The following RPS6KC1 variants were observed in gnomAD, a reference collection of about 807,000 sequenced individuals.
RPS6KC1 encodes inactive ribosomal protein S6 kinase delta-1.
Under a neutral mutation model 103.8 loss-of-function variants are expected in RPS6KC1, and 54 were observed. The ratio of observed to expected loss-of-function variants is 0.52; its 90% CI spans 0.42 to 0.65. The LOEUF (loss-of-function observed/expected upper bound fraction) is 0.65. Among genes scored for constraint, RPS6KC1 ranks in the 30% least tolerant of loss-of-function variants. The pLI is 0.00. For missense variants in RPS6KC1, 1,151 were observed against 1,253.8 expected, an observed-to-expected ratio of 0.92 and a Z score of 1.24; for synonymous variants, 439 against 438.7, an observed-to-expected ratio of 1.00 and a Z score of -0.01.
chr1:213,405,916 G>A, the RPS6KC1 span, among the ~76,000 whole-genome samples: 1 of 152,220 alleles, frequency 6.6e-6, no homozygotes, highest in Non-Finnish European at 1.5e-5. Context: ...GGCCATGGCG[G>A]TGAAGCCTCC....
the RPS6KC1 span, among the ~76,000 whole-genome samples, chr1:213,516,653 G>T: frequency 0.052 from 7,891 of 152,148 alleles, 643 homozygotes; most frequent in African/African-American, 0.17. Context: ...GGAGGATTTT[G>T]GCATCGATGT....
the RPS6KC1 span, among the ~76,000 whole-genome samples, chr1:213,403,554 T>A: frequency 6.6e-6 from 1 of 152,160 alleles, no homozygotes; most frequent in Non-Finnish European, 1.5e-5. Flanking sequence ...TTAGACTGAT[T>A]TGAGTGTGCC....
chr1:213,132,206 T>C, intron 6 of RPS6KC1, among the ~76,000 whole-genome samples: 1 of 152,306 alleles, frequency 6.6e-6, no homozygotes, highest in Admixed American at 6.5e-5. Flanking sequence ...CATTTAACCA[T>C]GTATCTCCTA....
At chr1:213,152,640 T>C (rs1271555008) in intron 6 of RPS6KC1, among the ~76,000 whole-genome samples, 4 of 120,024 alleles carry the variant, frequency 3.3e-5, no homozygotes, top group African/African-American at 1.3e-4. Flanking sequence ...TCTCAGACGA[T>C]GGGCGGCCGG....
chr1:213,212,874 CTT>C (rs2093552428), intron 8 of RPS6KC1, among the ~76,000 whole-genome samples: 1 of 152,050 alleles, frequency 6.6e-6, no homozygotes, highest in Non-Finnish European at 1.5e-5. Context: ...ATCTGTATAT[CTT>C]GTTTGGTGAG....
intron 8 of RPS6KC1, among the ~76,000 whole-genome samples, chr1:213,219,877 G>T (rs1001855129): frequency 3.5e-5 from 5 of 142,878 alleles, no homozygotes; most frequent in African/African-American, 1.0e-4. Context: ...GGAGGGGGGA[G>T]GTATAGCATT....
intron 3 of RPS6KC1, among the ~76,000 whole-genome samples, chr1:213,081,029 G>C (rs1376270034): frequency 6.6e-6 from 1 of 152,202 alleles, no homozygotes; most frequent in Non-Finnish European, 1.5e-5. Context: ...TCAGGGAATT[G>C]AAATCATGCC....
chr1:213,326,777 T>C, the RPS6KC1 span, among the ~76,000 whole-genome samples: 2 of 152,206 alleles, frequency 1.3e-5, no homozygotes, highest in Non-Finnish European at 2.9e-5. Context: ...ACTGATTGTG[T>C]AGATACGCAT....
At chr1:213,599,576 T>C in the RPS6KC1 span, among the ~76,000 whole-genome samples, 3 of 152,250 alleles carry the variant, frequency 2.0e-5, no homozygotes, top group Non-Finnish European at 4.4e-5. Flanking sequence ...TTGGCTGCAA[T>C]GAAGAGATAG....
the RPS6KC1 span, among the ~76,000 whole-genome samples, chr1:213,456,666 T>A: frequency 6.6e-6 from 1 of 152,344 alleles, no homozygotes; most frequent in Non-Finnish European, 1.5e-5. Context: ...CAATGGGTAA[T>A]TTCTTTTAAT....
the RPS6KC1 span, among the ~76,000 whole-genome samples, chr1:213,540,253 A>G: frequency 6.6e-6 from 1 of 152,112 alleles, no homozygotes; most frequent in Admixed American, 6.5e-5. Context: ...AGTTTCCCAA[A>G]TAGCAAGGAC....
At chr1:213,228,421 G>C (rs2094009763) in intron 8 of RPS6KC1, among the ~76,000 whole-genome samples, 1 of 152,062 alleles carries the variant, frequency 6.6e-6, no homozygotes, top group Non-Finnish European at 1.5e-5. Flanking sequence ...GAATAGGAAT[G>C]GTAAAATTAT....
At chr1:213,189,448 C>CAAA (rs35941412) in intron 8 of RPS6KC1, among the ~76,000 whole-genome samples, 1 of 103,576 alleles carries the variant, frequency 9.7e-6, no homozygotes, top group African/African-American at 3.7e-5. Flanking sequence ...GCCTTTGTCT[C>CAAA]AAAAAAAAAA....
At chr1:213,823,758 C>CACACACACACCACAA in the RPS6KC1 span, among the ~76,000 whole-genome samples, 2 of 104,718 alleles carry the variant, frequency 1.9e-5, no homozygotes, top group Admixed American at 1.9e-4. Flanking sequence ...ACACACCACA[C>CACACACACACCACAA]CACATCAAAC....
the RPS6KC1 span, among the ~76,000 whole-genome samples, chr1:213,480,595 G>A: frequency 6.6e-6 from 1 of 151,958 alleles, no homozygotes; most frequent in Non-Finnish European, 1.5e-5. Context: ...TATAAAGGAA[G>A]GACTAAAAGG....
At chr1:213,353,128 A>G in the RPS6KC1 span, among the ~76,000 whole-genome samples, 5 of 152,350 alleles carry the variant, frequency 3.3e-5, no homozygotes, top group South Asian at 1.0e-3. Context: ...TCCACCAGCT[A>G]TAATGTCAGT....
At chr1:213,742,921 T>C in the RPS6KC1 span, among the ~76,000 whole-genome samples, 2 of 152,212 alleles carry the variant, frequency 1.3e-5, no homozygotes, top group African/African-American at 4.8e-5. Flanking sequence ...GGAACACTTA[T>C]ACACTGTTGG....
the RPS6KC1 span, among the ~76,000 whole-genome samples, chr1:213,798,807 A>T: frequency 2.0e-5 from 3 of 152,202 alleles, no homozygotes; most frequent in Non-Finnish European, 4.4e-5. Context: ...TTAGACTCCT[A>T]TAGAGATGTC....
At chr1:213,550,194 C>CT in the RPS6KC1 span, among the ~76,000 whole-genome samples, 13 of 152,184 alleles carry the variant, frequency 8.5e-5, no homozygotes, top group Non-Finnish European at 1.5e-4. Context: ...GAGGCACAAG[C>CT]ATAGATATTA....
Sources: gnomAD v4.1 joint callset for allele counts (sites outside exome capture counted in the v4.1 genomes callset) on GRCh38, gnomAD v4.1.1 for gene constraint, MANE v1.5 for transcripts, NCBI Gene and HGNC (gene_info 2026-07-23, HGNC 2026-07-21) for gene names.